SERINC5: variants seen among roughly 807,000 people sequenced by gnomAD.
SERINC5 encodes serine incorporator 5.
A neutral mutation model predicts 63.1 loss-of-function variants in SERINC5; 41 were observed. That is an observed-to-expected ratio of 0.65 (90% CI 0.51 to 0.84). The LOEUF is 0.84. Ranked by LOEUF, SERINC5 falls within the 40% of genes least tolerant of loss-of-function variation. SERINC5 has a pLI of 0.00. For missense variants in SERINC5, 523 were observed against 573.0 expected (o/e 0.91, Z 0.89); for synonymous variants, 222 against 215.2 (o/e 1.03, Z -0.28).
intron 1 of SERINC5, among the ~76,000 whole-genome samples, chr5:80,243,982 G>A (rs1036752538): frequency 6.6e-5 from 10 of 151,990 alleles, no homozygotes; most frequent in African/African-American, 2.2e-4. Context: ...CCTTGGACTC[G>A]ATTTTGGCAG....
At chr5:80,253,204 C>T (rs899648700) in intron 1 of SERINC5, among the ~76,000 whole-genome samples, 3 of 152,150 alleles carry the variant, frequency 2.0e-5, no homozygotes, top group Non-Finnish European at 1.5e-5. Flanking sequence ...CAATGATGTC[C>T]CACTGTACTC....
At position 80,177,415 on chromosome 5, in the gene SERINC5, A is replaced by G. The variant is rs772259973; in HGVS notation, c.375-18T>C. The G allele has an allele frequency of 1.3e-6, 2 of 1,591,490 alleles. No individual in the cohort carries two copies. The highest frequency in any genetic ancestry group is 1.7e-6 in the Non-Finnish European group (2 of 1,160,026). On this transcript the variant is annotated intron_variant, in intron 3 of 11. Coordinates refer to ENST00000507668, the MANE Select transcript of SERINC5 (RefSeq NM_001174072.3). ...ACCAAAAGCTAGAAGTGGGGGGAAA[A>G]AAAAGAGGAAATGTATTTAAATGAC...
chr5:80,198,733 T>C (rs1749653802), intron 2 of SERINC5: 4 of 984,738 alleles, frequency 4.1e-6, no homozygotes, highest in Non-Finnish European at 4.8e-6. Flanking sequence ...CTCTCTTCTG[T>C]AGGCCACGAA....
intron 11 of SERINC5, among the ~76,000 whole-genome samples, chr5:80,117,470 TACTA>T (rs1744379048): frequency 1.3e-5 from 2 of 152,110 alleles, no homozygotes; most frequent in South Asian, 4.1e-4. Flanking sequence ...AAAGGACACA[TACTA>T]ACTGATAATC....
intron 1 of SERINC5, among the ~76,000 whole-genome samples, chr5:80,212,665 TGG>T (rs752075084): frequency 2.0e-5 from 1 of 50,194 alleles, no homozygotes; most frequent in Admixed American, 1.9e-4. Flanking sequence ...AGTGGTGGGG[TGG>T]GGGGGGGGTG....
At chr5:80,181,355 TCC>T (rs1748405392) in intron 2 of SERINC5, among the ~76,000 whole-genome samples, 1 of 151,850 alleles carries the variant, frequency 6.6e-6, no homozygotes, top group South Asian at 2.1e-4. Flanking sequence ...CAAGCCATCC[TCC>T]TACCTCAGCT....
intron 2 of SERINC5, among the ~76,000 whole-genome samples, chr5:80,190,984 G>T (rs1209884610): frequency 6.6e-6 from 1 of 151,910 alleles, no homozygotes; most frequent in Non-Finnish European, 1.5e-5. Context: ...GATTGTTAAA[G>T]TTTAGGAGAG....
intron 11 of SERINC5, among the ~76,000 whole-genome samples, chr5:80,122,437 T>C (rs574350692): frequency 1.3e-5 from 2 of 151,974 alleles, no homozygotes; most frequent in South Asian, 4.2e-4. Flanking sequence ...TAAGAGTGGG[T>C]CTGCCTTTCC....
intron 11 of SERINC5, among the ~76,000 whole-genome samples, chr5:80,122,055 T>C (rs1472905905): frequency 6.6e-6 from 1 of 151,936 alleles, no homozygotes; most frequent in Non-Finnish European, 1.5e-5. Flanking sequence ...AAATAACAAT[T>C]ACACAGTACC....
chr5:80,189,711 T>TTTTTC (rs890850514), intron 2 of SERINC5, among the ~76,000 whole-genome samples: 1 of 152,166 alleles, frequency 6.6e-6, no homozygotes, highest in Non-Finnish European at 1.5e-5. Context: ...AGTTTCTTTT[T>TTTTTC]TTTTCTTTTC....
chr5:80,176,986 C>T (rs1029762308), intron 4 of SERINC5, among the ~76,000 whole-genome samples: 2 of 152,306 alleles, frequency 1.3e-5, no homozygotes, highest in South Asian at 2.1e-4. Flanking sequence ...GTCCCACTAT[C>T]GCTGCAGCAG....
At chr5:80,208,573 T>C (rs2112506717) in intron 1 of SERINC5, among the ~76,000 whole-genome samples, 1 of 152,228 alleles carries the variant, frequency 6.6e-6, no homozygotes, top group East Asian at 1.9e-4. Context: ...CTATACTCAA[T>C]TTCCCACGCA....
chr5:80,126,152 G>A (rs769205943), intron 11 of SERINC5, among the ~76,000 whole-genome samples: 2 of 152,150 alleles, frequency 1.3e-5, no homozygotes, highest in African/African-American at 4.8e-5. Flanking sequence ...AGGAGGAACC[G>A]AAAATCTGAT....
intron 11 of SERINC5, among the ~76,000 whole-genome samples, chr5:80,127,071 G>C (rs1744772047): frequency 6.6e-6 from 1 of 152,090 alleles, no homozygotes; most frequent in African/African-American, 2.4e-5. Context: ...AAAAAACTAA[G>C]TTGTAAGAAT....
intron 1 of SERINC5, among the ~76,000 whole-genome samples, chr5:80,212,755 T>C (rs547531902): frequency 6.6e-6 from 1 of 152,040 alleles, no homozygotes; most frequent in East Asian, 1.9e-4. Flanking sequence ...ATGGTGCAAC[T>C]TAAAAGCTAG....
At chr5:80,228,464 T>TA (rs1751273449) in intron 1 of SERINC5, among the ~76,000 whole-genome samples, 1 of 151,858 alleles carries the variant, frequency 6.6e-6, no homozygotes, top group African/African-American at 2.4e-5. Flanking sequence ...TAAGAATTTT[T>TA]TTTTTGTTTA....
intron 8 of SERINC5, among the ~76,000 whole-genome samples, chr5:80,151,463 G>C (rs1343249732): frequency 6.6e-6 from 1 of 152,232 alleles, no homozygotes; most frequent in African/African-American, 2.4e-5. Flanking sequence ...ACTTCCCTGA[G>C]ACCTAGAAAG....
At chr5:80,252,685 T>C (rs1752484645) in intron 1 of SERINC5, among the ~76,000 whole-genome samples, 1 of 152,208 alleles carries the variant, frequency 6.6e-6, no homozygotes, top group Non-Finnish European at 1.5e-5. Flanking sequence ...CCAAATCCTA[T>C]ATTACAGACT....
At chr5:80,138,249 T>C (rs141937147), downstream of SERINC5, among the ~76,000 whole-genome samples, 280 of 152,014 alleles carry the variant, frequency 1.8e-3, 3 homozygotes, top group African/African-American at 5.5e-3. Context: ...GTTCAGGAGA[T>C]CTACTGTGTA....
Sources: gnomAD v4.1 joint callset for allele counts (sites outside exome capture counted in the v4.1 genomes callset) on GRCh38, gnomAD v4.1.1 for gene constraint, MANE v1.5 for transcripts, NCBI Gene and HGNC (gene_info 2026-07-23, HGNC 2026-07-21) for gene names.